Variants in CABYR observed in about 807,000 individuals in gnomAD.
CABYR encodes the protein calcium-binding tyrosine phosphorylation-regulated protein.
Under a neutral mutation model 36.1 loss-of-function variants are expected in CABYR, and 31 were observed. That is an observed-to-expected ratio of 0.86 (90% CI 0.64 to 1.16). The LOEUF is 1.16. CABYR is among the 50% of genes most tolerant of loss of function. The pLI is 0.00. For missense variants in CABYR, 429 were observed against 455.8 expected (o/e 0.94, Z 0.53); for synonymous variants, 146 against 160.7 (o/e 0.91, Z 0.69).
At chr18:24,147,686 C>T (rs1330361231) in intron 3 of CABYR, among the ~76,000 whole-genome samples, 1 of 151,634 alleles carries the variant, frequency 6.6e-6, no homozygotes, top group Non-Finnish European at 1.5e-5. Flanking sequence ...AGCTGTAAAT[C>T]TTAAGATAAT....
intron 3 of CABYR, among the ~76,000 whole-genome samples, chr18:24,150,011 C>A (rs1018265457): frequency 6.6e-6 from 1 of 152,262 alleles, no homozygotes; most frequent in African/African-American, 2.4e-5. Flanking sequence ...CACAGTGCAG[C>A]GGTGGGCTGA....
At chr18:24,156,064 C>G (rs760299027) in intron 4 of CABYR, 22 bp downstream of exon 4, 1 of 1,614,158 alleles carries the variant, frequency 6.2e-7, no homozygotes, top group African/African-American at 1.3e-5. Context: ...TCTATTCATT[C>G]TGATCAATCT....
At chr18:24,144,763 A>G (rs1466821014) in intron 3 of CABYR, among the ~76,000 whole-genome samples, 1 of 152,240 alleles carries the variant, frequency 6.6e-6, no homozygotes, top group Non-Finnish European at 1.5e-5. Context: ...TAAAGGAGCA[A>G]TAGCCCAAAA....
In CABYR at chr18:24,160,048, G is replaced by A. The variant is rs748498028; in HGVS notation, c.1118G>A (p.Arg373His). 1.7e-5 allele frequency: 28 copies of A among 1,612,240 alleles called. 1 individual carries two copies. Among genetic ancestry groups the A allele is most frequent in the South Asian group, 1.5e-4 (14 of 90,778 alleles). ...EVTVTTAHKR[R>H]KAETEN ...ACCGTGACTACTGCTCACAAACGTC[G>A]CAAAGCAGAAACTGAAAACTGGTAG... is the stretch of plus-strand genomic sequence containing the variant. The change falls in exon 5 of 6, where the codon CGC becomes CAC. Residue 373 changes from arginine to histidine, a missense_variant. Transcript: ENST00000399496.
chr18:24,144,186 CTG>C (rs911660959), intron 3 of CABYR, among the ~76,000 whole-genome samples: 2 of 152,186 alleles, frequency 1.3e-5, no homozygotes, highest in African/African-American at 4.8e-5. Context: ...CTATGAGCCA[CTG>C]TGCCCAACTG....
At chr18:24,147,897 C>A (rs2085498488) in intron 3 of CABYR, among the ~76,000 whole-genome samples, 1 of 152,074 alleles carries the variant, frequency 6.6e-6, no homozygotes, top group African/African-American at 2.4e-5. Flanking sequence ...TTTAAGAAAA[C>A]AACATATCTG....
At chr18:24,155,669 GTTAA>G in intron 3 of CABYR, 28 bp from the exon 4 acceptor site, 4 of 1,457,074 alleles carry the variant, frequency 2.7e-6, no homozygotes, top group African/African-American at 1.4e-5. Flanking sequence ...CTTTTTAGAT[GTTAA>G]TTAACCCATC....
intron 1 of CABYR, among the ~76,000 whole-genome samples, chr18:24,142,379 T>G (rs977783599): frequency 1.8e-5 from 1 of 55,014 alleles, no homozygotes; most frequent in Non-Finnish European, 4.3e-5. Flanking sequence ...CATTTTCTTA[T>G]AGAAAAAAAC....
chr18:24,143,355 T>C lies in CABYR; in HGVS notation c.146-5T>C, dbSNP rs200672743. 4.2e-4 allele frequency: 676 copies of C among 1,593,108 alleles called. 1 individual carries two copies. The highest frequency in any genetic ancestry group is 5.2e-4 in the Non-Finnish European group (607 of 1,165,760). ...GTATTTGATTTCCTGTATTGATTCCTTCAGGGAATACTACTATGGATATAA... is the reference window on the plus strand; with the variant it reads ...GTATTTGATTTCCTGTATTGATTCCCTCAGGGAATACTACTATGGATATAA... On this transcript the variant is annotated splice_polypyrimidine_tract_variant and splice_region_variant and intron_variant, in intron 2 of 5. Transcript: ENST00000399496.
intron 1 of CABYR, among the ~76,000 whole-genome samples, chr18:24,140,454 ATATATT>A (rs2085286446): frequency 6.6e-6 from 1 of 152,016 alleles, no homozygotes; most frequent in Non-Finnish European, 1.5e-5. Context: ...CAGTAGGTGT[ATATATT>A]TATGGGGCAC....
At chr18:24,160,298 G>A (rs1258865339) in intron 5 of CABYR, 11 of 511,372 alleles carry the variant, frequency 2.2e-5, no homozygotes, top group African/African-American at 1.4e-4. Context: ...TTTGATGCCC[G>A]ATACATGAAA....
intron 3 of CABYR, among the ~76,000 whole-genome samples, chr18:24,153,909 C>T (rs1035973935): frequency 1.3e-5 from 2 of 151,926 alleles, no homozygotes; most frequent in Admixed American, 1.3e-4. Flanking sequence ...TCAAGACTAG[C>T]TTGGCCAACA....
At chr18:24,142,446 T>C (rs1472788175) in intron 1 of CABYR, among the ~76,000 whole-genome samples, 2 of 152,252 alleles carry the variant, frequency 1.3e-5, no homozygotes, top group African/African-American at 4.8e-5. Flanking sequence ...CTGTGTGGTT[T>C]GGAAGGACTT....
At chr18:24,152,491 T>C (rs2085667562) in intron 3 of CABYR, among the ~76,000 whole-genome samples, 1 of 152,200 alleles carries the variant, frequency 6.6e-6, no homozygotes, top group African/African-American at 2.4e-5. Context: ...TATCATACAT[T>C]CCCTGGTAAA....
intron 3 of CABYR, among the ~76,000 whole-genome samples, chr18:24,149,894 C>T (rs528427916): frequency 6.6e-4 from 100 of 152,348 alleles, no homozygotes; most frequent in Non-Finnish European, 1.2e-3. Flanking sequence ...CCAGCTGGCC[C>T]GCAAGCGCGG....
intron 3 of CABYR, among the ~76,000 whole-genome samples, chr18:24,145,838 G>A (rs1343611522): frequency 6.6e-6 from 1 of 152,176 alleles, no homozygotes. Context: ...TATACGTAGT[G>A]CACTATCATA....
intron 3 of CABYR, among the ~76,000 whole-genome samples, chr18:24,147,813 G>A (rs1399326187): frequency 1.3e-5 from 2 of 152,108 alleles, no homozygotes; most frequent in East Asian, 1.9e-4. Context: ...GTTTCTTTAC[G>A]ACTTCTAATT....
At chr18:24,146,137 C>T (rs1179070986) in intron 3 of CABYR, among the ~76,000 whole-genome samples, 1 of 152,130 alleles carries the variant, frequency 6.6e-6, no homozygotes, top group Non-Finnish European at 1.5e-5. Flanking sequence ...ATAGAATATC[C>T]TGATACTGGA....
At chr18:24,144,601 TAAAC>T (rs891728983) in intron 3 of CABYR, among the ~76,000 whole-genome samples, 2 of 152,066 alleles carry the variant, frequency 1.3e-5, no homozygotes, top group African/African-American at 2.4e-5. Context: ...CCCCCATCTC[TAAAC>T]AAACAAACAA....
Sources: allele counts gnomAD v4.1 joint callset (sites outside exome capture counted in the v4.1 genomes callset), GRCh38; gene constraint gnomAD v4.1.1; transcripts MANE v1.5; gene names NCBI Gene and HGNC (gene_info 2026-07-23, HGNC 2026-07-21).